Variants in PCSK5 observed in about 807,000 individuals in gnomAD.
The protein encoded by PCSK5 is proprotein convertase subtilisin/kexin type 5.
PCSK5 carries 129 observed loss-of-function variants against 233.2 expected under a neutral mutation model. That is an observed-to-expected ratio of 0.55 (90% CI 0.48 to 0.64). PCSK5 has a LOEUF of 0.64. Among genes scored for constraint, PCSK5 ranks in the 30% least tolerant of loss-of-function variants. PCSK5 has a pLI of 0.00. For synonymous variants in PCSK5, 825 were observed against 879.2 expected (o/e 0.94, Z 1.09); for missense variants, 2,076 against 2,430.1 (o/e 0.85, Z 3.06).
At chr9:76,248,709 T>G (rs1248086497) in intron 24 of PCSK5, among the ~76,000 whole-genome samples, 1 of 152,230 alleles carries the variant, frequency 6.6e-6, no homozygotes, top group East Asian at 1.9e-4. Flanking sequence ...ACATCACTAT[T>G]ATCAGTTCCA....
chr9:76,013,686 G>A (rs549027534), intron 3 of PCSK5, among the ~76,000 whole-genome samples: 3 of 152,136 alleles, frequency 2.0e-5, no homozygotes, highest in African/African-American at 4.8e-5. Flanking sequence ...AATGAATGAA[G>A]GTTTGGGAAG....
intron 10 of PCSK5, among the ~76,000 whole-genome samples, chr9:76,144,392 T>C (rs1214292265): frequency 6.6e-6 from 1 of 152,212 alleles, no homozygotes; most frequent in Non-Finnish European, 1.5e-5. Context: ...TCCCACTGAA[T>C]TGCAGTCACA....
intron 10 of PCSK5, among the ~76,000 whole-genome samples, chr9:76,147,410 C>G (rs1823484608): frequency 6.6e-6 from 1 of 152,216 alleles, no homozygotes; most frequent in Non-Finnish European, 1.5e-5. Flanking sequence ...TATAGAGTCT[C>G]AGGACCTATG....
chr9:76,177,168 C>G (rs368483653), intron 14 of PCSK5, among the ~76,000 whole-genome samples: 79 of 152,178 alleles, frequency 5.2e-4, no homozygotes, highest in African/African-American at 1.9e-3. Flanking sequence ...GTGGCACGCA[C>G]CTGTAATCCC....
intron 10 of PCSK5, among the ~76,000 whole-genome samples, chr9:76,136,187 C>T (rs910613909): frequency 2.6e-5 from 4 of 151,646 alleles, no homozygotes; most frequent in African/African-American, 9.7e-5. Context: ...ATGGCGAGTC[C>T]CGTATTTCAT....
At chr9:76,253,842 G>A (rs1826893557) in intron 24 of PCSK5, among the ~76,000 whole-genome samples, 1 of 152,150 alleles carries the variant, frequency 6.6e-6, no homozygotes, top group South Asian at 2.1e-4. Flanking sequence ...GCAACCTTGT[G>A]CATAACTTTG....
chr9:76,286,488 A>G, intron 24 of PCSK5: 1 of 154,226 alleles, frequency 6.5e-6, no homozygotes, highest in Middle Eastern at 2.3e-3. Flanking sequence ...GGGGTGTGAT[A>G]ATGTGCTAGG....
intron 5 of PCSK5, among the ~76,000 whole-genome samples, chr9:76,033,465 A>G (rs1443005391): frequency 1.3e-5 from 2 of 152,172 alleles, no homozygotes; most frequent in East Asian, 1.9e-4. Context: ...AATAACATCT[A>G]CAGTATACTA....
chr9:76,127,751 T>A (rs978021217), intron 9 of PCSK5, among the ~76,000 whole-genome samples: 1 of 152,204 alleles, frequency 6.6e-6, no homozygotes, highest in African/African-American at 2.4e-5. Context: ...TCTCAATAAA[T>A]CATCATGACG....
chr9:76,278,210 TTCA>T (rs1309060488), intron 24 of PCSK5, among the ~76,000 whole-genome samples: 1 of 152,190 alleles, frequency 6.6e-6, no homozygotes, highest in Non-Finnish European at 1.5e-5. Context: ...CCATCTCGTA[TTCA>T]TTGGCCTCCT....
At chr9:76,172,485 G>T (rs1823373184) in intron 13 of PCSK5, among the ~76,000 whole-genome samples, 1 of 152,144 alleles carries the variant, frequency 6.6e-6, no homozygotes, top group Non-Finnish European at 1.5e-5. Flanking sequence ...AATTACACAG[G>T]AAGGATATCC....
In PCSK5 at chr9:75,978,869, C is replaced by CTTTTTTTT. The variant is rs5898441; in HGVS notation, c.298-7260_298-7253dup. ...TTTTAGGCTTTGTTTGAATGTTTCC[C>CTTTTTTTT]TTTTTTTTTTCTTTTTTTCTGAGAT... is the stretch of plus-strand genomic sequence containing the variant. On this transcript the variant is annotated intron_variant, in intron 2 of 37. Transcript: ENST00000674117. 5.6e-3 allele frequency among the ~76,000 whole-genome samples: 715 copies of CTTTTTTTT among 127,834 alleles called. 36 individuals are homozygous for CTTTTTTTT. The highest frequency in any genetic ancestry group is 0.015 in the South Asian group (58 of 3,934). 83.9% of individuals were successfully genotyped at this position (127,834 alleles called of 152,430 possible).
At chr9:76,267,990 T>TG (rs1354242064) in intron 24 of PCSK5, among the ~76,000 whole-genome samples, 1 of 151,862 alleles carries the variant, frequency 6.6e-6, no homozygotes, top group African/African-American at 2.4e-5. Flanking sequence ...CACACATTTG[T>TG]GGGTCTGCCT....
intron 1 of PCSK5, among the ~76,000 whole-genome samples, chr9:75,917,170 GAA>G (rs34529382): frequency 0.037 from 3,847 of 104,096 alleles, 57 homozygotes; most frequent in Non-Finnish European, 0.046. Context: ...CTCCGTCTCA[GAA>G]AAAAAAAAAA....
At chr9:76,094,232 C>G (rs143803874) in intron 7 of PCSK5, among the ~76,000 whole-genome samples, 109 of 152,280 alleles carry the variant, frequency 7.2e-4, no homozygotes, top group African/African-American at 2.4e-3. Flanking sequence ...ATACTCCAGA[C>G]TTTGTTGTCT....
chr9:76,322,362 C>T (rs1829233003), intron 31 of PCSK5, among the ~76,000 whole-genome samples: 1 of 152,186 alleles, frequency 6.6e-6, no homozygotes, highest in African/African-American at 2.4e-5. Context: ...GTTCGGGCAA[C>T]TATGACTGAG....
At chr9:76,310,351 C>T (rs1236108953) in intron 29 of PCSK5, among the ~76,000 whole-genome samples, 1 of 151,930 alleles carries the variant, frequency 6.6e-6, no homozygotes, top group African/African-American at 2.4e-5. Context: ...TGTACAGCTG[C>T]CTTACACCAG....
chr9:76,055,883 C>T (rs1164191778), intron 5 of PCSK5, among the ~76,000 whole-genome samples: 1 of 152,104 alleles, frequency 6.6e-6, no homozygotes, highest in African/African-American at 2.4e-5. Flanking sequence ...TTGAGCATTA[C>T]AGAGTGTGAT....
intron 1 of PCSK5, among the ~76,000 whole-genome samples, chr9:75,898,719 T>A (rs1564068174): frequency 6.6e-6 from 1 of 151,742 alleles, no homozygotes; most frequent in Non-Finnish European, 1.5e-5. Context: ...ATGCCTAGGC[T>A]AGAGAGTTTC....
Sources: gnomAD v4.1 joint callset for allele counts (sites outside exome capture counted in the v4.1 genomes callset) on GRCh38, gnomAD v4.1.1 for gene constraint, MANE v1.5 for transcripts, NCBI Gene and HGNC (gene_info 2026-07-23, HGNC 2026-07-21) for gene names.